Variants in TDRD3 observed in about 807,000 individuals in gnomAD.
The protein encoded by TDRD3 is tudor domain containing 3.
TDRD3 carries 45 observed loss-of-function variants against 86.7 expected under a neutral mutation model. That is an observed-to-expected ratio of 0.52 (90% confidence interval 0.41 to 0.67). TDRD3 has a LOEUF of 0.67. Ranked by LOEUF, TDRD3 falls within the 30% of genes least tolerant of loss-of-function variation. The pLI is 0.00. For missense variants in TDRD3, 814 were observed against 889.0 expected, an observed-to-expected ratio of 0.92 and a Z score of 1.07; for synonymous variants, 298 against 301.7, an observed-to-expected ratio of 0.99 and a Z score of 0.13.
chr13:60,528,607 A>G lies in TDRD3; in HGVS notation c.1382A>G (p.Glu461Gly). The change falls in exon 11 of 14, where the codon GAA (glutamate) becomes GGA (glycine). Residue 461 changes from glutamate to glycine, a missense_variant. Transcript: ENST00000377881. ...SERPSTSSVSEVWAEDRIKCD... is the reference protein window; with the variant it reads ...SERPSTSSVSGVWAEDRIKCD... ...AGACCAAGTACTTCTTCAGTATCTG[A>G]AGTATGGGCTGAAGACAGAATCAAA... 1 of 1,614,044 alleles carries G rather than the reference A, an allele frequency of 6.2e-7. No homozygotes were observed. The highest frequency in any genetic ancestry group is 8.5e-7 in the Non-Finnish European group (1 of 1,179,928).
At chr13:60,534,074 G>A (rs1047340087) in intron 11 of TDRD3, among the ~76,000 whole-genome samples, 1 of 152,176 alleles carries the variant, frequency 6.6e-6, no homozygotes, top group Admixed American at 6.5e-5. Flanking sequence ...ACTTTGGGAG[G>A]CCAAGTAGAG....
intron 1 of TDRD3, among the ~76,000 whole-genome samples, chr13:60,414,795 A>C (rs1403355355): frequency 1.3e-5 from 2 of 152,138 alleles, no homozygotes; most frequent in Non-Finnish European, 2.9e-5. Context: ...ATCCTAGGGC[A>C]GATAGAAATC....
intron 1 of TDRD3, among the ~76,000 whole-genome samples, chr13:60,415,871 G>A (rs1019082884): frequency 2.0e-5 from 3 of 151,978 alleles, no homozygotes; most frequent in African/African-American, 2.4e-5. Context: ...GACAATTTAC[G>A]GAAAAACATT....
chr13:60,560,961 A>G (rs1325509127), intron 12 of TDRD3, among the ~76,000 whole-genome samples: 1 of 152,232 alleles, frequency 6.6e-6, no homozygotes, highest in East Asian at 1.9e-4. Flanking sequence ...CTGCCATAAA[A>G]TGTTTTGTTT....
chr13:60,528,702 G>A lies in TDRD3; in HGVS notation c.1477G>A (p.Asp493Asn), dbSNP rs1566275988. Residue 493 changes from aspartate (D) to asparagine (N), a missense_variant, in exon 11 of 14, where the codon GAT (aspartate) becomes AAT (asparagine). Asp to Asn is a conservative substitution (Grantham distance 23). Coordinates refer to ENST00000377881, the MANE Select transcript of TDRD3 (RefSeq NM_001146070.2). ...TSYPLGSQHS[D>N]GAFKKRDNSM... ...ATATCCTTTAGGTTCTCAGCATAGT[G>A]ATGGTGCTTTTAAAAAAAGAGATAA... 2 of 1,612,310 alleles carry A rather than the reference G, an allele frequency of 1.2e-6. No individual in the cohort carries two copies. The highest frequency in any genetic ancestry group is 1.7e-6 in the Non-Finnish European group (2 of 1,179,488).
At chr13:60,520,501 C>T (rs942729520) in intron 10 of TDRD3, among the ~76,000 whole-genome samples, 2 of 152,172 alleles carry the variant, frequency 1.3e-5, no homozygotes, top group African/African-American at 4.8e-5. Context: ...CTCACCTAAA[C>T]CCCATTTCTC....
intron 2 of TDRD3, among the ~76,000 whole-genome samples, chr13:60,443,086 A>G (rs1003546115): frequency 5.3e-5 from 8 of 152,010 alleles, no homozygotes; most frequent in African/African-American, 1.2e-4. Context: ...CATTATTGAT[A>G]TGATGGTTAT....
At chr13:60,442,375 G>A (rs374199464) in intron 2 of TDRD3, among the ~76,000 whole-genome samples, 1 of 110,450 alleles carries the variant, frequency 9.1e-6, no homozygotes, top group Non-Finnish European at 2.3e-5. Context: ...GATTTTATGT[G>A]TGTGTGTGTG....
intron 13 of TDRD3, among the ~76,000 whole-genome samples, chr13:60,571,700 CT>C (rs1256760161): frequency 6.6e-6 from 1 of 152,062 alleles, no homozygotes; most frequent in Non-Finnish European, 1.5e-5. Context: ...TATCCTAAAA[CT>C]TTTTTTCAAG....
At chr13:60,550,896 CT>C (rs1958034512) in intron 12 of TDRD3, among the ~76,000 whole-genome samples, 2 of 152,144 alleles carry the variant, frequency 1.3e-5, no homozygotes, top group African/African-American at 4.8e-5. Flanking sequence ...TTATTCTAAG[CT>C]CTTTTACTTA....
At position 60,435,063 on chromosome 13, in the gene TDRD3, A is replaced by G. The variant is rs527469424; in HGVS notation, c.42-4625A>G. Among the ~76,000 whole-genome samples the G allele has an allele frequency of 1.8e-3, 269 of 152,286 alleles. 1 individual carries two copies. The highest frequency in any genetic ancestry group is 3.1e-3 in the Non-Finnish European group (213 of 68,014). On this transcript the variant is annotated intron_variant, in intron 1 of 13. Coordinates refer to ENST00000377881, the MANE Select transcript of TDRD3 (RefSeq NM_001146070.2). ...GGAGTTTTAAATGTTTATAAAAATGAAAAGATTAATTTGTAAATCCCAAAT... is the reference window on the plus strand; with the variant it reads ...GGAGTTTTAAATGTTTATAAAAATGGAAAGATTAATTTGTAAATCCCAAAT...
intron 1 of TDRD3, among the ~76,000 whole-genome samples, chr13:60,400,372 C>T (rs1954060884): frequency 6.6e-6 from 1 of 152,138 alleles, no homozygotes; most frequent in Non-Finnish European, 1.5e-5. Flanking sequence ...TTTTCTCTTC[C>T]ATCTCCTCCT....
At chr13:60,420,131 A>G (rs1261736076) in intron 1 of TDRD3, among the ~76,000 whole-genome samples, 3 of 152,094 alleles carry the variant, frequency 2.0e-5, no homozygotes, top group African/African-American at 7.2e-5. Flanking sequence ...TATAAGAAGT[A>G]TGATTTTTTC....
intron 2 of TDRD3, 37 bp from the exon 3 acceptor site, chr13:60,444,646 C>A: frequency 8.6e-7 from 1 of 1,156,512 alleles, no homozygotes; most frequent in Admixed American, 3.0e-5. Flanking sequence ...TTACTCTTTT[C>A]TATAATTCCA....
chr13:60,451,613 C>T (rs993492805), intron 3 of TDRD3, among the ~76,000 whole-genome samples: 2 of 152,130 alleles, frequency 1.3e-5, no homozygotes, highest in East Asian at 1.9e-4. Flanking sequence ...AACAGTTTCC[C>T]TAAGGAATAT....
chr13:60,426,434 A>G (rs1954810229), intron 1 of TDRD3, among the ~76,000 whole-genome samples: 1 of 152,232 alleles, frequency 6.6e-6, no homozygotes, highest in Non-Finnish European at 1.5e-5. Context: ...GTCACACACA[A>G]AAAGTAACTG....
upstream of TDRD3, among the ~76,000 whole-genome samples, chr13:60,396,299 A>G (rs772325513): frequency 2.0e-5 from 3 of 152,200 alleles, no homozygotes; most frequent in Non-Finnish European, 1.5e-5. Flanking sequence ...GAGGTGAAAG[A>G]CCAAGAAGGT....
chr13:60,523,802 C>G (rs555399268), intron 10 of TDRD3, among the ~76,000 whole-genome samples: 153 of 152,108 alleles, frequency 1.0e-3, no homozygotes, highest in African/African-American at 3.6e-3. Flanking sequence ...GTTTTGAACT[C>G]CTGACCTCAA....
rs9570311 is a variant in TDRD3 at position 60,514,401 on chromosome 13, C to G, written c.1141+3646C>G. 7.1e-4 allele frequency among the ~76,000 whole-genome samples: 108 copies of G among 152,308 alleles called. 1 individual carries two copies. The East Asian group carries it at 0.018, about 25-fold the overall frequency. Reference sequence around the variant, plus strand: ...GGGACACCTGCTCCTTGGATGAGCACCATGACCTTGGCTCACAGTCTTGCC... The same window carrying G: ...GGGACACCTGCTCCTTGGATGAGCAGCATGACCTTGGCTCACAGTCTTGCC... On this transcript the variant is annotated intron_variant, in intron 10 of 13. Coordinates refer to ENST00000377881, the MANE Select transcript of TDRD3 (RefSeq NM_001146070.2).
Sources: gnomAD v4.1 joint callset for allele counts (sites outside exome capture counted in the v4.1 genomes callset) on GRCh38, gnomAD v4.1.1 for gene constraint, MANE v1.5 for transcripts, NCBI Gene and HGNC (gene_info 2026-07-23, HGNC 2026-07-21) for gene names.